PKHD1L1: variants seen among roughly 807,000 people sequenced by gnomAD.
PKHD1L1 encodes the protein fibrocystin-L.
A neutral mutation model predicts 462.9 loss-of-function variants in PKHD1L1; 434 were observed. That is an observed-to-expected ratio of 0.94 (90% confidence interval 0.87 to 1.02). The LOEUF (loss-of-function observed/expected upper bound fraction) is 1.02, where lower values mean the gene tolerates loss of function less well. PKHD1L1 is among the 50% of genes least tolerant of loss of function. The pLI, the probability that PKHD1L1 is intolerant of heterozygous loss-of-function variation, is 0.00. For synonymous variants in PKHD1L1, 1,781 were observed against 1,750.0 expected (o/e 1.02, Z -0.44); for missense variants, 5,202 against 5,096.1 (o/e 1.02, Z -0.63).
intron 51 of PKHD1L1, among the ~76,000 whole-genome samples, 184 bp downstream of exon 51, chr8:109,475,453 G>A (rs370457170): frequency 5.7e-4 from 86 of 152,158 alleles, no homozygotes; most frequent in African/African-American, 2.1e-3. Flanking sequence ...AATCTCATTT[G>A]AGAATCAGAA....
intron 50 of PKHD1L1, among the ~76,000 whole-genome samples, chr8:109,466,988 C>T (rs1817476511): frequency 6.6e-6 from 1 of 151,968 alleles, no homozygotes; most frequent in South Asian, 2.1e-4. Context: ...ATCAAGAAAC[C>T]TCCAGACAAT....
At position 109,518,291 on chromosome 8, in the gene PKHD1L1, A is replaced by G; in HGVS notation, c.11814A>G (p.Ile3938Met). Residue 3938 changes from isoleucine (I) to methionine (M), a missense_variant, in exon 73 of 78, where the codon ATA (isoleucine) becomes ATG (methionine). Physicochemically the swap from Ile to Met is conservative, Grantham distance 10. Transcript: ENST00000378402. ...TTGAAATTCACACTGCCACAGTGAT[A>G]TTTGTTTCTTTCCAATTATCTGTTG... ...IPVEIHTATV[I>M]FVSFQLSVAT... 1 of 1,612,196 alleles carries G rather than the reference A, an allele frequency of 6.2e-7. No individual in the cohort carries two copies. The highest frequency in any genetic ancestry group is 8.5e-7 in the Non-Finnish European group (1 of 1,178,490).
At chr8:109,454,381 A>G in intron 44 of PKHD1L1, 135 bp downstream of exon 44, 1 of 682,750 alleles carries the variant, frequency 1.5e-6, no homozygotes, top group Admixed American at 3.3e-5. Context: ...TGTTATTGGT[A>G]TAAAATCCTT....
At chr8:109,405,695 G>A (rs1354735623) in intron 16 of PKHD1L1, among the ~76,000 whole-genome samples, 2 of 151,740 alleles carry the variant, frequency 1.3e-5, no homozygotes. Context: ...TGGGGGGTGG[G>A]GTCGGCACGG....
At chr8:109,416,129 G>A (rs545378427) in intron 21 of PKHD1L1, among the ~76,000 whole-genome samples, 1 of 152,176 alleles carries the variant, frequency 6.6e-6, no homozygotes, top group South Asian at 2.1e-4. Flanking sequence ...TTGTCAGAGG[G>A]AAAAACTTTA....
intron 14 of PKHD1L1, among the ~76,000 whole-genome samples, chr8:109,402,915 CT>C (rs1334297123): frequency 6.6e-6 from 1 of 151,848 alleles, no homozygotes; most frequent in Non-Finnish European, 1.5e-5. Flanking sequence ...TTTTTATCCT[CT>C]TTCTTCTGCT....
intron 2 of PKHD1L1, among the ~76,000 whole-genome samples, chr8:109,374,725 G>A (rs1458816236): frequency 6.6e-6 from 1 of 152,088 alleles, no homozygotes; most frequent in Non-Finnish European, 1.5e-5. Flanking sequence ...GCATTTGCTT[G>A]TCTGTAAAGT....
rs1179808763 is a variant in PKHD1L1, at chr8:109,438,332, G to A, written c.3636G>A (p.Glu1212=). The A allele has an allele frequency of 1.3e-6, 2 of 1,499,242 alleles. No individual in the cohort carries two copies. Among genetic ancestry groups the A allele is most frequent in the South Asian group, 1.3e-5 (1 of 74,458 alleles). The allele number at this position is 1,499,242 out of a possible 1,614,324, so 92.9% of individuals were successfully genotyped here. The change falls in exon 31 of 78, where the codon GAG becomes GAA. Residue 1212 remains glutamate, a synonymous_variant. Transcript: ENST00000378402. The stretch of plus-strand genomic sequence containing the variant: ...TTTTCCTCTTATTTTAGAAAACTGA[G>A]GGTACAGTTGATATTTCAGTTACTA... ...RITCRTPKKT[E]GTVDISVTTN... is the part of the protein sequence containing the mutation.
In PKHD1L1 at chr8:109,398,517, C is replaced by A. The variant is rs1189948597; in HGVS notation, c.981C>A (p.Pro327=). ...ATAGTATATGTTGCAAGACACCCCCCAAACCTCATATTCTCAAAACTGTAT... is the reference window on the plus strand; with the variant it reads ...ATAGTATATGTTGCAAGACACCCCCAAAACCTCATATTCTCAAAACTGTAT... The part of the protein sequence containing the change: ...TENSICCKTP[P]KPHILKTVYP... The change falls in exon 12 of 78, where the codon CCC becomes CCA. Residue 327 remains proline, a synonymous_variant. Coordinates refer to ENST00000378402, the MANE Select transcript of PKHD1L1 (RefSeq NM_177531.6). The A allele has an allele frequency of 1.9e-6, 3 of 1,573,928 alleles. No homozygotes were observed. Among genetic ancestry groups the A allele is most frequent in the East Asian group, 2.3e-5 (1 of 43,822 alleles).
In PKHD1L1 at chr8:109,456,200, A is replaced by G. The variant is rs1410898260; in HGVS notation, c.6875-62A>G. The stretch of plus-strand genomic sequence containing the variant: ...AATTTAGGAAAAGATTAAAATGTAT[A>G]AAGTTCTCAATAACAAATCAAACAC... On this transcript the variant is annotated intron_variant, in intron 45 of 77. Coordinates refer to ENST00000378402, the MANE Select transcript of PKHD1L1 (RefSeq NM_177531.6). The G allele has an allele frequency of 6.6e-6, 10 of 1,504,678 alleles. No individual in the cohort carries two copies. In the East Asian group the frequency reaches 1.9e-4, roughly 28 times the overall value. The allele number at this position is 1,504,678 out of a possible 1,614,324, so 93.2% of individuals were successfully genotyped here.
At position 109,536,007 on chromosome 8, in the gene PKHD1L1, G is replaced by A. The variant is rs1003939228; in HGVS notation, c.*5917G>A. Among the ~76,000 whole-genome samples, 1 of 152,132 alleles carries A rather than the reference G, an allele frequency of 6.6e-6. No individual in the cohort carries two copies. The highest frequency in any genetic ancestry group is 1.5e-5 in the Non-Finnish European group (1 of 68,028). On this transcript the variant is annotated 3_prime_UTR_variant, in exon 78 of 78. Transcript: ENST00000378402. Reference sequence around the variant, plus strand: ...AGAAGGGAACAAAGAAGGTAGAAGCGGGGGTATGGAGGGTTGACTTCTGGC... The same window carrying A: ...AGAAGGGAACAAAGAAGGTAGAAGCAGGGGTATGGAGGGTTGACTTCTGGC...
chr8:109,515,118 A>T (rs886768459), intron 71 of PKHD1L1, 52 bp from the exon 72 acceptor site: 1 of 1,354,366 alleles, frequency 7.4e-7, no homozygotes, highest in African/African-American at 1.5e-5. Flanking sequence ...TAAGTGCTAA[A>T]TTACAAATAT....
Position 109,449,334 on chromosome 8 carries a change from C to A in PKHD1L1, c.6026-4C>A. On this transcript the variant is annotated splice_region_variant and splice_polypyrimidine_tract_variant and intron_variant, in intron 39 of 77. Transcript: ENST00000378402. The stretch of plus-strand genomic sequence containing the variant: ...TGTTTTTCCTTTTTATTTGTCTTCA[C>A]TAGGGAGCTTTGGTGGGGGTCAAAC... 6.4e-7 allele frequency: 1 copy of A among 1,565,604 alleles called. No homozygotes were observed. The highest frequency in any genetic ancestry group is 8.7e-7 in the Non-Finnish European group (1 of 1,153,976).
Position 109,435,220 on chromosome 8 carries a change from G to C in PKHD1L1, c.3371G>C (p.Gly1124Ala). ...GAGCTCAAGTGCCAGATTCTGAATG[G>C]AAGTGCTGGACATGCCCCCGTTGCT... is the stretch of plus-strand genomic sequence containing the variant. ...EKELKCQILN[G>A]SAGHAPVAVS... Residue 1124 changes from glycine to alanine, a missense_variant, in exon 29 of 78, where the codon GGA (glycine) becomes GCA (alanine). Gly to Ala is a moderately conservative substitution (Grantham distance 60, BLOSUM62 0). This residue lies in a region of PKHD1L1 where 4,497 missense variants were observed against 4,336.8 expected (regional missense o/e 1.04). Coordinates refer to ENST00000378402, the MANE Select transcript of PKHD1L1 (RefSeq NM_177531.6). 1.9e-6 allele frequency: 3 copies of C among 1,613,572 alleles called. No homozygotes were observed. The African/African-American group carries it at 4.0e-5, about 22-fold the overall frequency.
intron 2 of PKHD1L1, among the ~76,000 whole-genome samples, chr8:109,369,241 T>C (rs183294097): frequency 2.4e-3 from 358 of 152,270 alleles, no homozygotes; most frequent in African/African-American, 8.2e-3. Flanking sequence ...CCTCCCAAAG[T>C]ACTGGGATTA....
chr8:109,412,911 A>G (rs1209776247), intron 20 of PKHD1L1, among the ~76,000 whole-genome samples: 2 of 152,048 alleles, frequency 1.3e-5, no homozygotes, highest in Non-Finnish European at 2.9e-5. Context: ...TGTGGCACCT[A>G]TCCTAAAATT....
chr8:109,385,903 A>C (rs1208899047), intron 6 of PKHD1L1, among the ~76,000 whole-genome samples: 2 of 152,174 alleles, frequency 1.3e-5, no homozygotes, highest in Non-Finnish European at 2.9e-5. Context: ...GACAAGTCCA[A>C]TAGTAATTGA....
chr8:109,450,781 G>A (rs1586542237), intron 40 of PKHD1L1, among the ~76,000 whole-genome samples, 194 bp from the exon 41 acceptor site: 1 of 152,176 alleles, frequency 6.6e-6, no homozygotes, highest in Non-Finnish European at 1.5e-5. Context: ...TTCTTCTGTC[G>A]ATAATGGGCA....
intron 62 of PKHD1L1, 27 bp downstream of exon 62, chr8:109,492,021 C>G (rs1343060026): frequency 7.1e-7 from 1 of 1,411,686 alleles, no homozygotes; most frequent in Non-Finnish European, 9.5e-7. Context: ...TATAATTATA[C>G]TAATTTATAA....
Sources: allele counts gnomAD v4.1 joint callset (sites outside exome capture counted in the v4.1 genomes callset), GRCh38; gene constraint gnomAD v4.1.1; regional missense constraint gnomAD v4.1.1; transcripts MANE v1.5; gene names NCBI Gene and HGNC (gene_info 2026-07-23, HGNC 2026-07-21).